Variants in SLC22A3 observed in about 807,000 individuals in gnomAD.
SLC22A3 encodes solute carrier family 22 member 3.
Under a neutral mutation model 59.1 loss-of-function variants are expected in SLC22A3, and 51 were observed. That is an observed-to-expected ratio of 0.86 (90% confidence interval 0.69 to 1.09). The LOEUF (loss-of-function observed/expected upper bound fraction) is 1.09. Among genes scored for constraint, SLC22A3 ranks in the 50% least tolerant of loss-of-function variants. The pLI is 0.00. For missense variants in SLC22A3, 711 were observed against 726.3 expected (o/e 0.98, Z 0.24); for synonymous variants, 325 against 292.0 (o/e 1.11, Z -1.15).
At chr6:160,357,268 C>A (rs1490556393) in intron 1 of SLC22A3, among the ~76,000 whole-genome samples, 1 of 152,226 alleles carries the variant, frequency 6.6e-6, no homozygotes, top group African/African-American at 2.4e-5. Flanking sequence ...AAGTGATAAG[C>A]AAGTCTTTGG....
At chr6:160,442,548 C>G (rs950127061) in intron 7 of SLC22A3, among the ~76,000 whole-genome samples, 6 of 152,220 alleles carry the variant, frequency 3.9e-5, no homozygotes, top group Non-Finnish European at 7.3e-5. Context: ...CCAACCTGCT[C>G]AGAAAGGCAT....
At position 160,443,729 on chromosome 6, in the gene SLC22A3, T is replaced by A; in HGVS notation, c.1497T>A (p.Pro499=). The change falls in exon 9 of 11, where the codon CCT becomes CCA. Residue 499 remains proline (P), a synonymous_variant. Transcript: ENST00000275300. The part of the protein sequence containing the change: ...FRLAAVWLEL[P]LIIFGILASI... ...TAGCAGCCGTGTGGCTAGAACTACCTCTGATCATCTTTGGTAAGAACTCAT... is the reference window on the plus strand; with the variant it reads ...TAGCAGCCGTGTGGCTAGAACTACCACTGATCATCTTTGGTAAGAACTCAT... 1 of 1,607,656 alleles carries A rather than the reference T, an allele frequency of 6.2e-7. No individual in the cohort carries two copies. Among genetic ancestry groups the A allele is most frequent in the Non-Finnish European group, 8.5e-7 (1 of 1,176,020 alleles).
In SLC22A3 at chr6:160,436,978, T is replaced by G. The variant is rs2114914598; in HGVS notation, c.1074-19T>G. 2 of 1,614,064 alleles carry G rather than the reference T, an allele frequency of 1.2e-6. No homozygotes were observed. The highest frequency in any genetic ancestry group is 1.7e-6 in the Non-Finnish European group (2 of 1,179,876). ...GTTATCTCTTACTTGTTCTCTGGTG[T>G]CTTTCAATGTTGCTACAGGTTCACA... On this transcript the variant is annotated intron_variant, in intron 6 of 10. Transcript: ENST00000275300.
intron 5 of SLC22A3, among the ~76,000 whole-genome samples, chr6:160,417,319 A>T (rs946339576): frequency 1.3e-5 from 2 of 152,148 alleles, no homozygotes; most frequent in African/African-American, 4.8e-5. Context: ...TGGGTCTCAG[A>T]AGGAGAGCTA....
intron 2 of SLC22A3, among the ~76,000 whole-genome samples, chr6:160,402,364 AGC>A (rs1206065672): frequency 2.6e-5 from 4 of 151,854 alleles, no homozygotes; most frequent in African/African-American, 7.2e-5. Context: ...TGTGTTTAGT[AGC>A]AGAGCACAAA....
intron 1 of SLC22A3, among the ~76,000 whole-genome samples, chr6:160,371,342 C>A (rs1010426031): frequency 2.0e-5 from 3 of 152,088 alleles, no homozygotes; most frequent in African/African-American, 7.2e-5. Context: ...AGTACCCTAC[C>A]CCCTGACAGG....
intron 7 of SLC22A3, among the ~76,000 whole-genome samples, chr6:160,438,903 A>G (rs190919251): frequency 4.0e-4 from 61 of 152,040 alleles, no homozygotes; most frequent in African/African-American, 1.5e-3. Flanking sequence ...TGTCACTCCT[A>G]TCTCTGCCTC....
intron 9 of SLC22A3, among the ~76,000 whole-genome samples, chr6:160,446,825 G>C (rs1213585608): frequency 6.6e-6 from 1 of 152,242 alleles, no homozygotes; most frequent in Non-Finnish European, 1.5e-5. Context: ...TACACCTTCA[G>C]TATTACCTGT....
chr6:160,377,753 C>A (rs996476058), intron 1 of SLC22A3, among the ~76,000 whole-genome samples: 1 of 152,134 alleles, frequency 6.6e-6, no homozygotes, highest in Non-Finnish European at 1.5e-5. Flanking sequence ...GAACAAAACA[C>A]AAAGTAAAAG....
intron 1 of SLC22A3, among the ~76,000 whole-genome samples, chr6:160,381,269 T>A (rs1201725765): frequency 6.6e-6 from 1 of 152,226 alleles, no homozygotes; most frequent in East Asian, 1.9e-4. Context: ...GAAGGTCTTT[T>A]ATCTGTACAT....
At chr6:160,352,958 T>C (rs1784710155) in intron 1 of SLC22A3, among the ~76,000 whole-genome samples, 1 of 152,172 alleles carries the variant, frequency 6.6e-6, no homozygotes, top group Admixed American at 6.5e-5. Context: ...GTAGCTGGGA[T>C]TACAGGCACC....
At chr6:160,390,277 G>A (rs1786200920) in intron 1 of SLC22A3, among the ~76,000 whole-genome samples, 1 of 152,102 alleles carries the variant, frequency 6.6e-6, no homozygotes, top group Non-Finnish European at 1.5e-5. Flanking sequence ...GAAGAGGGGG[G>A]AAAGCAAGAG....
At chr6:160,401,598 G>T (rs531078137) in intron 2 of SLC22A3, among the ~76,000 whole-genome samples, 1 of 151,900 alleles carries the variant, frequency 6.6e-6, no homozygotes, top group Non-Finnish European at 1.5e-5. Context: ...TAAAGGAAAG[G>T]CATTGGAGAG....
In SLC22A3 at chr6:160,348,417, A is replaced by G. The variant is rs1235321611; in HGVS notation, c.-3A>G. 6.8e-6 allele frequency: 10 copies of G among 1,479,198 alleles called. No individual in the cohort carries two copies. Among genetic ancestry groups the G allele is most frequent in the Non-Finnish European group, 8.9e-6 (10 of 1,120,092 alleles). The allele number at this position is 1,479,198 out of a possible 1,614,324, so 91.6% of individuals were successfully genotyped here. A position where few individuals can be genotyped will look rare whatever the true frequency, so the allele number is the denominator to read the frequency against. ...GCTGCGGGCGGCGGGCGGCGGGCGC[A>G]CCATGCCCTCCTTCGACGAGGCGCT... On this transcript the variant is annotated 5_prime_UTR_variant, in exon 1 of 11. Transcript: ENST00000275300.
intron 1 of SLC22A3, among the ~76,000 whole-genome samples, chr6:160,349,428 A>G (rs1784588670): frequency 6.6e-6 from 1 of 152,252 alleles, no homozygotes; most frequent in Non-Finnish European, 1.5e-5. Context: ...CTTTGGGGCA[A>G]AGAGCAACAT....
At chr6:160,439,145 T>C (rs1333090285) in intron 7 of SLC22A3, among the ~76,000 whole-genome samples, 15 of 152,084 alleles carry the variant, frequency 9.9e-5, no homozygotes, top group Admixed American at 9.8e-4. Flanking sequence ...TGCCAGCCAC[T>C]GAACTAGGAG....
chr6:160,382,425 A>C (rs4709425), intron 1 of SLC22A3, among the ~76,000 whole-genome samples: 1 of 152,008 alleles, frequency 6.6e-6, no homozygotes, highest in South Asian at 2.1e-4. Context: ...AAACAAAGCA[A>C]CTGCAGAAGC....
chr6:160,407,865 G>A (rs1787080660), intron 3 of SLC22A3, among the ~76,000 whole-genome samples: 1 of 152,148 alleles, frequency 6.6e-6, no homozygotes, highest in African/African-American at 2.4e-5. Flanking sequence ...CCAGGAAAAT[G>A]TGAATTCTCA....
chr6:160,366,865 A>C (rs1196168646), intron 1 of SLC22A3, among the ~76,000 whole-genome samples: 1 of 152,126 alleles, frequency 6.6e-6, no homozygotes, highest in Non-Finnish European at 1.5e-5. Context: ...GTAATTCAAC[A>C]AGTCTCTAGG....
Sources: gnomAD v4.1 joint callset for allele counts (sites outside exome capture counted in the v4.1 genomes callset) on GRCh38, gnomAD v4.1.1 for gene constraint, MANE v1.5 for transcripts, NCBI Gene and HGNC (gene_info 2026-07-23, HGNC 2026-07-21) for gene names.